Variants in ULBP1 observed in about 807,000 individuals in gnomAD.
ULBP1 encodes the protein UL16-binding protein 1.
ULBP1 carries 28 observed loss-of-function variants against 25.3 expected under a neutral mutation model. That is an observed-to-expected ratio of 1.10 (90% CI 0.82 to 1.51). The LOEUF (loss-of-function observed/expected upper bound fraction) is 1.51, where lower values mean the gene tolerates loss of function less well. Ranked by LOEUF, ULBP1 falls within the 40% of genes most tolerant of loss-of-function variation. The probability of loss-of-function intolerance (pLI) is 0.00; values close to 1 mark genes in which losing one functional copy is unlikely to be tolerated. For missense variants in ULBP1, 348 were observed against 290.9 expected, an observed-to-expected ratio of 1.20 and a Z score of -1.43; for synonymous variants, 129 against 103.0, an observed-to-expected ratio of 1.25 and a Z score of -1.53.
At position 149,963,981 on chromosome 6, in the gene ULBP1, TA is replaced by T. The variant is rs1779147069; in HGVS notation, c.-66del. ...CGGCGGGCCGGGCTGGGCAGCTTTA[TA>T]AACAGCCGTGGTGTGAGCCTCGAAG... is the stretch of plus-strand genomic sequence containing the variant. On this transcript the variant is annotated 5_prime_UTR_variant, in exon 1 of 5. Transcript: ENST00000229708. 3.9e-6 allele frequency: 6 copies of T among 1,546,352 alleles called. No individual in the cohort carries two copies. The East Asian group carries it at 6.8e-5, about 17-fold the overall frequency.
At chr6:149,965,711 A>G (rs1779193226) in intron 1 of ULBP1, among the ~76,000 whole-genome samples, 1 of 151,854 alleles carries the variant, frequency 6.6e-6, no homozygotes, top group South Asian at 2.1e-4. Flanking sequence ...TCGCCCCTAC[A>G]CTTTGCTGCA....
At position 149,973,627 on chromosome 6, in the gene ULBP1, G is replaced by A. The variant is rs899193187; in HGVS notation, c.*2281G>A. On this transcript the variant is annotated 3_prime_UTR_variant, in exon 5 of 5. Coordinates refer to ENST00000229708, the MANE Select transcript of ULBP1 (RefSeq NM_025218.4). ...AATCATAAGTTGTATGATGATAATT[G>A]TATAAAAATTTGTATGATGATAATT... is the stretch of plus-strand genomic sequence containing the variant. 12 of 152,084 alleles carry A rather than the reference G, an allele frequency of 7.9e-5. No homozygotes were observed. Among genetic ancestry groups the A allele is most frequent in the African/African-American group, 2.9e-4 (12 of 41,414 alleles). The allele number at this position is 152,084 out of a possible 1,614,324, so 9.4% of individuals were successfully genotyped here.
rs1779289049 is a variant in ULBP1 at position 149,970,161 on chromosome 6, T to C, written c.*22+14T>C. ...TTAGAGTGACAGGTACTGTGGGCAA[T>C]ATTGGGAGGGGAGCAAGAGGCAGAT... On this transcript the variant is annotated intron_variant, in intron 4 of 4. Transcript: ENST00000229708. 3 of 1,567,732 alleles carry C rather than the reference T, an allele frequency of 1.9e-6. No homozygotes were observed. The highest frequency in any genetic ancestry group is 1.4e-5 in the African/African-American group (1 of 74,016).
At position 149,973,444 on chromosome 6, in the gene ULBP1, A is replaced by G. The variant is rs1185996833; in HGVS notation, c.*2098A>G. On this transcript the variant is annotated 3_prime_UTR_variant, in exon 5 of 5. Transcript: ENST00000229708. ...AATTCTACCCATGTAACAAACCTGT[A>G]TATGTACCTTGTATTATATAGGTTG... is the stretch of plus-strand genomic sequence containing the variant. The G allele has an allele frequency of 6.6e-6, 1 of 152,200 alleles. No homozygotes were observed. The highest frequency in any genetic ancestry group is 1.5e-5 in the Non-Finnish European group (1 of 68,030). 9.4% of individuals were successfully genotyped at this position (152,200 alleles called of 1,614,324 possible).
At chr6:149,968,952 G>T (rs1230657878) in intron 2 of ULBP1, 82 bp downstream of exon 2, 1 of 1,556,766 alleles carries the variant, frequency 6.4e-7, no homozygotes, top group Non-Finnish European at 8.7e-7. Context: ...TAAATCAGAA[G>T]TTTGTGTCAC....
intron 1 of ULBP1, among the ~76,000 whole-genome samples, chr6:149,967,190 G>T (rs568193074): frequency 6.6e-6 from 1 of 152,232 alleles, no homozygotes; most frequent in Non-Finnish European, 1.5e-5. Context: ...CCTGACAGAG[G>T]TGTCCATCTG....
Position 149,970,059 on chromosome 6 carries a change from G to A in ULBP1, c.669G>A (p.Met223Ile). ...CAGGCACAACCCAACCCAAGGCCAT[G>A]GCCACCACCCTCAGTCCCTGGAGCC... ...LAPGTTQPKAMATTLSPWSLL... is the reference protein window; with the variant it reads ...LAPGTTQPKAIATTLSPWSLL... The change falls in exon 4 of 5, where the codon ATG (methionine) becomes ATA (isoleucine). Residue 223 changes from methionine to isoleucine, a missense_variant. Met to Ile is a conservative substitution (Grantham distance 10). Coordinates refer to ENST00000229708, the MANE Select transcript of ULBP1 (RefSeq NM_025218.4). 1 of 1,613,606 alleles carries A rather than the reference G, an allele frequency of 6.2e-7. No homozygotes were observed. The highest frequency in any genetic ancestry group is 8.5e-7 in the Non-Finnish European group (1 of 1,179,848).
At chr6:149,969,473 C>G in intron 3 of ULBP1, 113 bp downstream of exon 3, 1 of 1,433,162 alleles carries the variant, frequency 7.0e-7, no homozygotes, top group Non-Finnish European at 9.5e-7. Context: ...ATGACCCCCT[C>G]ATGGGGGGCT....
At chr6:149,966,440 T>C (rs904961759) in intron 1 of ULBP1, among the ~76,000 whole-genome samples, 3 of 152,294 alleles carry the variant, frequency 2.0e-5, no homozygotes, top group South Asian at 2.1e-4. Flanking sequence ...GGAGGTCCTA[T>C]GGTTCTGGGC....
At chr6:149,965,378 C>G (rs983213335) in intron 1 of ULBP1, among the ~76,000 whole-genome samples, 1 of 152,220 alleles carries the variant, frequency 6.6e-6, no homozygotes, top group Non-Finnish European at 1.5e-5. Flanking sequence ...CCGCCGAGTC[C>G]GCTTCCTGCA....
intron 1 of ULBP1, among the ~76,000 whole-genome samples, chr6:149,965,418 G>A (rs1229073276): frequency 6.6e-6 from 1 of 152,248 alleles, no homozygotes; most frequent in Non-Finnish European, 1.5e-5. Context: ...TCCAGGGGGA[G>A]TGTCAAAGAA....
intron 2 of ULBP1, 27 bp downstream of exon 2, chr6:149,968,897 G>GA (rs1474366007): frequency 6.2e-7 from 1 of 1,604,366 alleles, no homozygotes; most frequent in African/African-American, 1.3e-5. Context: ...CCAGGGAGCA[G>GA]ACACAGTAGT....
At chr6:149,967,135 A>G (rs184819744) in intron 1 of ULBP1, among the ~76,000 whole-genome samples, 1 of 152,312 alleles carries the variant, frequency 6.6e-6, no homozygotes, top group Admixed American at 6.5e-5. Context: ...ATGTGAAATT[A>G]CCATCGAATG....
intron 3 of ULBP1, among the ~76,000 whole-genome samples, 178 bp downstream of exon 3, chr6:149,969,538 C>A (rs140226295): frequency 1.6e-4 from 24 of 152,136 alleles, no homozygotes; most frequent in Non-Finnish European, 3.4e-4. Flanking sequence ...CCCTTCTTCC[C>A]CCTGACTCCT....
chr6:149,968,252 C>T (rs537473654), intron 1 of ULBP1, among the ~76,000 whole-genome samples: 21 of 152,332 alleles, frequency 1.4e-4, no homozygotes, highest in Middle Eastern at 3.4e-3. Context: ...CCACCTCCTG[C>T]AGTCCACATG....
At position 149,973,220 on chromosome 6, in the gene ULBP1, T is replaced by C. The variant is rs1222386006; in HGVS notation, c.*1874T>C. ...GAGGCTATTATCCTAAGCAACCTAA[T>C]GCAAGAACAGAAAACCACATACTGC... On this transcript the variant is annotated 3_prime_UTR_variant, in exon 5 of 5. Coordinates refer to ENST00000229708, the MANE Select transcript of ULBP1 (RefSeq NM_025218.4). 6.6e-6 allele frequency: 1 copy of C among 152,188 alleles called. No homozygotes were observed. The highest frequency in any genetic ancestry group is 1.5e-5 in the Non-Finnish European group (1 of 68,030). 9.4% of individuals were successfully genotyped at this position (152,188 alleles called of 1,614,324 possible).
rs1351064513 is a variant in ULBP1, at chr6:149,971,452, T to C, written c.*106T>C. 2 of 963,500 alleles carry C rather than the reference T, an allele frequency of 2.1e-6. No homozygotes were observed. 59.7% of individuals were successfully genotyped at this position (963,500 alleles called of 1,614,324 possible). On this transcript the variant is annotated 3_prime_UTR_variant, in exon 5 of 5. Transcript: ENST00000229708. ...GGGAGGCCGCCTGTCTACTCACCAC[T>C]GTGCCTTTCTGGAAAGCAGGAGTTC...
Position 149,971,498 on chromosome 6 carries a change from G to A in ULBP1, c.*152G>A, listed in dbSNP as rs1404238462. On this transcript the variant is annotated 3_prime_UTR_variant, in exon 5 of 5. Coordinates refer to ENST00000229708, the MANE Select transcript of ULBP1 (RefSeq NM_025218.4). ...AGTTCAAGCCTTAGCAAGCCCAGAG[G>A]CCCCCAGCAGACGATGAGGACATTG... 48 of 644,420 alleles carry A rather than the reference G, an allele frequency of 7.4e-5. No homozygotes were observed. The highest frequency in any genetic ancestry group is 9.2e-5 in the Non-Finnish European group (48 of 521,464). The allele number at this position is 644,420 out of a possible 1,614,324, so 39.9% of individuals were successfully genotyped here.
chr6:149,968,312 G>T (rs1779239547), intron 1 of ULBP1, among the ~76,000 whole-genome samples: 1 of 152,188 alleles, frequency 6.6e-6, no homozygotes, highest in African/African-American at 2.4e-5. Flanking sequence ...GCCACAATAG[G>T]CCTGGCACCT....
Sources: allele counts gnomAD v4.1 joint callset (sites outside exome capture counted in the v4.1 genomes callset), GRCh38; gene constraint gnomAD v4.1.1; transcripts MANE v1.5; gene names NCBI Gene and HGNC (gene_info 2026-07-23, HGNC 2026-07-21).